The following SUCO variants were observed in gnomAD, a reference collection of about 807,000 sequenced individuals.
SUCO encodes the protein SUN domain containing ossification factor.
In SUCO, 57 loss-of-function variants were observed where a neutral mutation model predicts 148.1. That is an observed-to-expected ratio of 0.38 (90% confidence interval 0.31 to 0.48). The LOEUF is 0.48. Ranked by LOEUF, SUCO falls within the 20% of genes least tolerant of loss-of-function variation. The pLI is 0.96. For synonymous variants in SUCO, 470 were observed against 502.7 expected (o/e 0.93, Z 0.87); for missense variants, 1,331 against 1,468.2 (o/e 0.91, Z 1.53).
chr1:172,595,916 T>G (rs186582498), intron 19 of SUCO, among the ~76,000 whole-genome samples: 1 of 152,332 alleles, frequency 6.6e-6, no homozygotes, highest in Non-Finnish European at 1.5e-5. Context: ...AGGTACACCA[T>G]TCAAATGTAG....
chr1:172,556,051 A>G, intron 4 of SUCO, 28 bp downstream of exon 4: 3 of 1,563,552 alleles, frequency 1.9e-6, no homozygotes, highest in Non-Finnish European at 2.6e-6. Flanking sequence ...ACAAACACAA[A>G]AAAGAATCTC....
intron 1 of SUCO, among the ~76,000 whole-genome samples, chr1:172,540,194 A>G (rs1652344979): frequency 6.6e-6 from 1 of 152,230 alleles, no homozygotes; most frequent in Middle Eastern, 3.2e-3. Flanking sequence ...AGCCAGAACT[A>G]AGAAGGCCAG....
intron 6 of SUCO, among the ~76,000 whole-genome samples, chr1:172,559,524 C>T (rs1266655712): frequency 6.6e-6 from 1 of 152,220 alleles, no homozygotes; most frequent in Non-Finnish European, 1.5e-5. Flanking sequence ...TAAACAGCGA[C>T]TTTAATTGAA....
rs1263749885 is a variant in SUCO at position 172,589,413 on chromosome 1, T to C, written c.2312T>C (p.Val771Ala). Residue 771 changes from valine (V) to alanine (A), a missense_variant, in exon 18 of 24, where the codon GTT becomes GCT. Physicochemically the swap from Val to Ala is moderately conservative, Grantham distance 64. Transcript: ENST00000263688. Reference protein sequence around the residue: ...PSPVIPQESSVEIDNETEQKS... With the variant: ...PSPVIPQESSAEIDNETEQKS... ...CCAGTGATTCCCCAAGAGAGTTCTG[T>C]TGAGATCGATAATGAAACAGAACAA... The C allele has an allele frequency of 6.2e-7, 1 of 1,613,510 alleles. No homozygotes were observed. Among genetic ancestry groups the C allele is most frequent in the Non-Finnish European group, 8.5e-7 (1 of 1,179,838 alleles).
chr1:172,576,843 T>C (rs1056175863), intron 11 of SUCO: 20 of 801,842 alleles, frequency 2.5e-5, no homozygotes, highest in Non-Finnish European at 2.9e-5. Context: ...CAGAGAAAAA[T>C]TACTTTCTGA....
intron 15 of SUCO, chr1:172,584,467 GT>G: frequency 2.1e-6 from 1 of 475,586 alleles, no homozygotes; most frequent in Non-Finnish European, 2.7e-6. Flanking sequence ...GTCTAGGGAA[GT>G]TTTACAAGAA....
At chr1:172,607,907 C>T (rs988899424) in intron 22 of SUCO, among the ~76,000 whole-genome samples, 1 of 151,798 alleles carries the variant, frequency 6.6e-6, no homozygotes, top group African/African-American at 2.4e-5. Context: ...TAATAAATTT[C>T]CCAAATGTGT....
chr1:172,576,978 T>C (rs772173014), intron 11 of SUCO: 7 of 678,930 alleles, frequency 1.0e-5, no homozygotes, highest in Non-Finnish European at 1.1e-5. Context: ...GGTATATATC[T>C]TCCACTTCTG....
intron 20 of SUCO, among the ~76,000 whole-genome samples, chr1:172,600,576 G>A (rs539558134): frequency 1.3e-5 from 2 of 152,110 alleles, no homozygotes; most frequent in Admixed American, 6.5e-5. Flanking sequence ...TGTGGTATAC[G>A]GTAGTTAATA....
rs1456125706 is a variant in SUCO at position 172,602,130 on chromosome 1, T to C, written c.3085T>C (p.Cys1029Arg). 6.2e-7 allele frequency: 1 copy of C among 1,613,692 alleles called. No homozygotes were observed. Among genetic ancestry groups the C allele is most frequent in the Non-Finnish European group, 8.5e-7 (1 of 1,179,868 alleles). ...VLCVVLGLML[C>R]MQRCRNTSQF... ...TTGTGTTGTCTTGGGACTGATGCTT[T>C]GTATGCAGCGTTGTCGAAATACTTC... is the stretch of plus-strand genomic sequence containing the variant. Residue 1029 changes from cysteine to arginine, a missense_variant, in exon 21 of 24, where the codon TGT (cysteine) becomes CGT (arginine). By Grantham distance (180) the Cys-to-Arg change is radical. Around this residue, in one of 3 missense-constraint regions of SUCO, gnomAD observed 334 missense variants for 352.3 expected, o/e 0.95. Transcript: ENST00000263688.
intron 3 of SUCO, among the ~76,000 whole-genome samples, chr1:172,554,033 A>C (rs375750101): frequency 1.3e-5 from 2 of 152,236 alleles, no homozygotes; most frequent in African/African-American, 4.8e-5. Context: ...ACACATTTCA[A>C]CTCAGAATGA....
intron 8 of SUCO, 131 bp downstream of exon 8, chr1:172,570,302 A>G (rs3752515): frequency 0.57 from 296,547 of 520,964 alleles, 85,740 homozygotes; most frequent in African/African-American, 0.69. Flanking sequence ...AGCAGAATAT[A>G]CTTTTCAAAA....
intron 11 of SUCO, chr1:172,576,981 C>T (rs1655492855): frequency 1.5e-6 from 1 of 684,608 alleles, no homozygotes; most frequent in Non-Finnish European, 1.8e-6. Context: ...ATATATCTTC[C>T]ACTTCTGTAA....
intron 19 of SUCO, among the ~76,000 whole-genome samples, chr1:172,592,875 C>T (rs1387820561): frequency 6.6e-6 from 1 of 152,140 alleles, no homozygotes; most frequent in African/African-American, 2.4e-5. Flanking sequence ...GGCAGTATGG[C>T]CATTTTCACG....
At chr1:172,533,844 T>A (rs999910613) in intron 1 of SUCO, among the ~76,000 whole-genome samples, 2 of 152,180 alleles carry the variant, frequency 1.3e-5, no homozygotes, top group Non-Finnish European at 2.9e-5. Context: ...TTGCTCCGAT[T>A]TGCCGCCAGT....
upstream of SUCO, chr1:172,532,530 G>T (rs370516806): frequency 3.0e-5 from 48 of 1,613,766 alleles, no homozygotes; most frequent in Admixed American, 5.0e-5. Context: ...AGCTCAATGG[G>T]GCAGTCCATT....
In SUCO at chr1:172,601,738, TGAG is replaced by T. The variant is rs1302347845; in HGVS notation, c.3019-319_3019-317del. Among the ~76,000 whole-genome samples, 44 of 152,170 alleles carry T rather than the reference TGAG, an allele frequency of 2.9e-4. 1 individual carries two copies. Among genetic ancestry groups the T allele is most frequent in the Admixed American group, 2.8e-3 (43 of 15,276 alleles). On this transcript the variant is annotated intron_variant, in intron 20 of 23. Coordinates refer to ENST00000263688, the MANE Select transcript of SUCO (RefSeq NM_014283.5). ...TAAAAGCACAATTATTTTTTCTCCT[TGAG>T]GAGGAGATAGTGTAAATGGAAAGAC... is the stretch of plus-strand genomic sequence containing the variant.
intron 7 of SUCO, chr1:172,569,617 A>G (rs570729773): frequency 1.8e-6 from 1 of 566,828 alleles, no homozygotes; most frequent in African/African-American, 2.0e-5. Flanking sequence ...GTGATGGGTT[A>G]TTAGGTGCAG....
intron 1 of SUCO, chr1:172,542,761 T>C: frequency 1.0e-6 from 1 of 985,296 alleles, no homozygotes; most frequent in Non-Finnish European, 1.2e-6. Context: ...ATTGGACTTT[T>C]GAAACAGAAT....
Sources: allele counts gnomAD v4.1 joint callset (sites outside exome capture counted in the v4.1 genomes callset), GRCh38; gene constraint gnomAD v4.1.1; regional missense constraint gnomAD v4.1.1; transcripts MANE v1.5; gene names NCBI Gene and HGNC (gene_info 2026-07-23, HGNC 2026-07-21).